Variants in LILRB1 observed in about 807,000 individuals in gnomAD.
LILRB1 encodes the protein leukocyte immunoglobulin like receptor B1.
Under a neutral mutation model 74.6 loss-of-function variants are expected in LILRB1, and 59 were observed. That is an observed-to-expected ratio of 0.79 (90% CI 0.64 to 0.98). LILRB1 has a LOEUF of 0.98. Among genes scored for constraint, LILRB1 ranks in the 50% least tolerant of loss-of-function variants. The probability of loss-of-function intolerance (pLI) is 0.00; values close to 1 mark genes in which losing one functional copy is unlikely to be tolerated. For missense variants in LILRB1, 804 were observed against 822.6 expected, an observed-to-expected ratio of 0.98 and a Z score of 0.28; for synonymous variants, 328 against 333.9, an observed-to-expected ratio of 0.98 and a Z score of 0.19.
chr19:54,623,918 C>T (rs2146183363), intron 1 of LILRB1, among the ~76,000 whole-genome samples: 1 of 152,322 alleles, frequency 6.6e-6, no homozygotes, highest in South Asian at 2.1e-4. Context: ...TTTCCCATGG[C>T]TTTGGGAGCT....
chr19:54,618,891 T>TAAGTTTATCAAGTA, intron 1 of LILRB1, among the ~76,000 whole-genome samples: 1 of 152,298 alleles, frequency 6.6e-6, no homozygotes, highest in African/African-American at 2.4e-5. Context: ...AACTATTAAA[T>TAAGTTTATCAAGTA]AAGTTTATCA....
At chr19:54,630,279 C>A, upstream of LILRB1, 1 of 254,494 alleles carries the variant, frequency 3.9e-6, no homozygotes, top group African/African-American at 2.2e-5. Flanking sequence ...AAGCGTTGAA[C>A]AGGGATTGAG....
intron 2 of LILRB1, 64 bp from the exon 3 acceptor site, chr19:54,631,207 C>T (rs1273198815): frequency 3.7e-6 from 6 of 1,613,900 alleles, no homozygotes; most frequent in Non-Finnish European, 5.1e-6. Context: ...CACAAAGATC[C>T]CAGGGAGGGG....
At chr19:54,633,520 G>A in intron 7 of LILRB1, 118 bp from the exon 8 acceptor site, 1 of 1,205,080 alleles carries the variant, frequency 8.3e-7, no homozygotes, top group Non-Finnish European at 1.2e-6. Flanking sequence ...ATGGACAGGA[G>A]AGGCGGGTGG....
chr19:54,620,726 C>T (rs1226700461), intron 1 of LILRB1, among the ~76,000 whole-genome samples: 3 of 152,098 alleles, frequency 2.0e-5, no homozygotes, highest in Non-Finnish European at 4.4e-5. Context: ...TGTATGCGAG[C>T]CAGGTGGGGC....
intron 1 of LILRB1, among the ~76,000 whole-genome samples, chr19:54,619,614 G>C (rs1456014485): frequency 1.3e-5 from 2 of 152,010 alleles, no homozygotes; most frequent in Non-Finnish European, 2.9e-5. Flanking sequence ...CCTTCACCTT[G>C]TGTTGGCTTC....
intron 3 of LILRB1, 75 bp downstream of exon 3, chr19:54,631,381 T>C (rs1416259093): frequency 6.2e-7 from 1 of 1,613,026 alleles, no homozygotes; most frequent in African/African-American, 1.3e-5. Flanking sequence ...CCGCTGGGGA[T>C]GGGGAATAGC....
chr19:54,631,273 C>T lies in LILRB1; in HGVS notation c.37C>T (p.Leu13=), dbSNP rs1427746108. 1 of 1,613,482 alleles carries T rather than the reference C, an allele frequency of 6.2e-7. No homozygotes were observed. Among genetic ancestry groups the T allele is most frequent in the Non-Finnish European group, 8.5e-7 (1 of 1,179,950 alleles). The change falls in exon 3 of 15, where the codon CTG becomes TTG. Residue 13 remains leucine (L), a splice_region_variant and synonymous_variant. Coordinates refer to ENST00000324602, the MANE Select transcript of LILRB1 (RefSeq NM_001081637.3). ...CCTCACCGGGAACTCTCTTCCAGGG[C>T]TGAGTCTGGGCCCCCGGACCCACGT... The part of the protein sequence containing the change: ...PILTVLICLG[L]SLGPRTHVQA...
At chr19:54,621,210 T>C (rs2063447387) in intron 1 of LILRB1, among the ~76,000 whole-genome samples, 1 of 152,220 alleles carries the variant, frequency 6.6e-6, no homozygotes, top group African/African-American at 2.4e-5. Context: ...TTCCTTTGGC[T>C]GGATACCATG....
chr19:54,630,229 A>C (rs991618264), upstream of LILRB1, among the ~76,000 whole-genome samples: 1 of 145,128 alleles, frequency 6.9e-6, no homozygotes, highest in African/African-American at 2.6e-5. Context: ...CTCCCCCCCA[A>C]CTCCCCAAAT....
chr19:54,636,639 A>T lies in LILRB1; in HGVS notation c.1799A>T (p.Gln600Leu). 6.2e-7 allele frequency: 1 copy of T among 1,610,992 alleles called. No homozygotes were observed. Among genetic ancestry groups the T allele is most frequent in the Non-Finnish European group, 8.5e-7 (1 of 1,178,994 alleles). ...TKDRQAEEDRQMDTEAAASEA... is the reference protein window; with the variant it reads ...TKDRQAEEDRLMDTEAAASEA... ...GACAGACAGGCGGAAGAGGACAGGC[A>T]GATGGACACTGAGGTGAGTCCTTTC... is the stretch of plus-strand genomic sequence containing the variant. Residue 600 changes from glutamine to leucine, a missense_variant, in exon 14 of 15, where the codon CAG becomes CTG. Coordinates refer to ENST00000324602, the MANE Select transcript of LILRB1 (RefSeq NM_001081637.3).
upstream of LILRB1, among the ~76,000 whole-genome samples, chr19:54,627,637 GCA>G (rs1315077773): frequency 6.6e-6 from 1 of 152,228 alleles, no homozygotes. Flanking sequence ...TGGACTGACA[GCA>G]ACTCTGGCTT....
intron 7 of LILRB1, 87 bp downstream of exon 7, chr19:54,633,405 CG>C: frequency 6.6e-7 from 1 of 1,517,778 alleles, no homozygotes. Context: ...ATGGAGTGAG[CG>C]GGGGTCTGAG....
At position 54,636,543 on chromosome 19, in the gene LILRB1, A is replaced by G. The variant is rs1253516845; in HGVS notation, c.1703A>G (p.Lys568Arg). Residue 568 changes from lysine (K) to arginine (R), a missense_variant, in exon 14 of 15, where the codon AAA (lysine) becomes AGA (arginine). Lys to Arg is a conservative substitution (Grantham distance 26). Coordinates refer to ENST00000324602, the MANE Select transcript of LILRB1 (RefSeq NM_001081637.3). The part of the protein sequence containing the change: ...DPQAVTYAEV[K>R]HSRPRREMAS... ...CAGGCAGTGACGTATGCCGAGGTGA[A>G]ACACTCCAGACCTAGGAGAGAAATG... The G allele has an allele frequency of 4.3e-6, 7 of 1,611,526 alleles. No individual in the cohort carries two copies. In the Middle Eastern group the frequency reaches 1.1e-3, roughly 258 times the overall value.
Position 54,635,755 on chromosome 19 carries a change from G to A in LILRB1, c.1653+146G>A, listed in dbSNP as rs775411531. 24 of 959,188 alleles carry A rather than the reference G, an allele frequency of 2.5e-5. 1 individual carries two copies. The highest frequency in any genetic ancestry group is 5.1e-5 in the South Asian group (4 of 77,688). The allele number at this position is 959,188 out of a possible 1,614,324, so 59.4% of individuals were successfully genotyped here. ...CAGCACGCTGCCTCCCGCCTGCTGC[G>A]ACCTCACTCTCTCCTGCTGTCCTGG... On this transcript the variant is annotated intron_variant, in intron 13 of 14. Transcript: ENST00000324602.
At chr19:54,632,925 C>A (rs1033985141) in intron 6 of LILRB1, 91 bp from the exon 7 acceptor site, 505 of 1,559,030 alleles carry the variant, frequency 3.2e-4, no homozygotes, top group Non-Finnish European at 4.2e-4. Flanking sequence ...AAAACAGAGA[C>A]AGAGACACTG....
chr19:54,628,465 C>T (rs1318380492), upstream of LILRB1, among the ~76,000 whole-genome samples: 1 of 152,198 alleles, frequency 6.6e-6, no homozygotes, highest in African/African-American at 2.4e-5. Flanking sequence ...GAACTTCTGA[C>T]TGACTGGCTT....
chr19:54,626,702 C>T (rs1168099667), upstream of LILRB1, among the ~76,000 whole-genome samples: 4 of 152,132 alleles, frequency 2.6e-5, no homozygotes, highest in Non-Finnish European at 5.9e-5. Context: ...CCTGTTTTTT[C>T]TGTAATGGAC....
intron 1 of LILRB1, among the ~76,000 whole-genome samples, chr19:54,617,692 T>C (rs1360568537): frequency 2.0e-5 from 3 of 152,116 alleles, no homozygotes; most frequent in Non-Finnish European, 4.4e-5. Context: ...GACTTCTTCC[T>C]CTGTACTTTG....
Sources: allele counts gnomAD v4.1 joint callset (sites outside exome capture counted in the v4.1 genomes callset), GRCh38; gene constraint gnomAD v4.1.1; transcripts MANE v1.5; gene names NCBI Gene and HGNC (gene_info 2026-07-23, HGNC 2026-07-21).